URB1: variants seen among roughly 807,000 people sequenced by gnomAD.
The protein encoded by URB1 is URB1 ribosome biogenesis factor.
A neutral mutation model predicts 242.3 loss-of-function variants in URB1; 197 were observed. The ratio of observed to expected loss-of-function variants is 0.81; its 90% CI spans 0.72 to 0.91. URB1 has a LOEUF of 0.91. Ranked by LOEUF, URB1 falls within the 40% of genes least tolerant of loss-of-function variation. The pLI is 0.00. For missense variants in URB1, 2,721 were observed against 2,860.5 expected, an observed-to-expected ratio of 0.95 and a Z score of 1.11; for synonymous variants, 1,153 against 1,201.8, an observed-to-expected ratio of 0.96 and a Z score of 0.84.
At chr21:32,346,806 C>T (rs1304343701) in intron 22 of URB1, 150 bp downstream of exon 22, 11 of 1,182,430 alleles carry the variant, frequency 9.3e-6, no homozygotes, top group Non-Finnish European at 1.3e-5. Flanking sequence ...ATTACTCCAC[C>T]TTTCTCCATC....
At position 32,339,285 on chromosome 21, in the gene URB1, C is replaced by T. The variant is rs372115846; in HGVS notation, c.4317-385G>A. On this transcript the variant is annotated intron_variant, in intron 25 of 38. Transcript: ENST00000382751. Reference sequence around the variant, plus strand: ...CAGGGATTACAGGCATGAGCCACTGCGCCCGGCCATTTTCTCAGTATTTTA... The same window carrying T: ...CAGGGATTACAGGCATGAGCCACTGTGCCCGGCCATTTTCTCAGTATTTTA... Among the ~76,000 whole-genome samples the T allele has an allele frequency of 3.3e-5, 5 of 152,088 alleles. No homozygotes were observed. The East Asian group carries it at 7.8e-4, about 24-fold the overall frequency.
At chr21:32,385,759 G>A in intron 1 of URB1, 75 bp from the exon 2 acceptor site, 1 of 1,520,616 alleles carries the variant, frequency 6.6e-7, no homozygotes, top group Middle Eastern at 1.7e-4. Flanking sequence ...ACTGCAACCT[G>A]CTTTCCCTAT....
Position 32,324,561 on chromosome 21 carries a change from A to C in URB1, c.5163T>G (p.Thr1721=). The C allele has an allele frequency of 6.4e-7, 1 of 1,551,810 alleles. No homozygotes were observed. Among genetic ancestry groups the C allele is most frequent in the Non-Finnish European group, 8.7e-7 (1 of 1,147,020 alleles). ...AGGTAAAAGTAAGTCTCATGTCCTG[A>C]GTTCGAATCCCATTCCGGACTACAT... ...LLDVVRNGIR[T]QDMRLTFTLA... is the part of the protein sequence containing the mutation. The change falls in exon 32 of 39, where the codon ACT becomes ACG. Residue 1721 remains threonine, a synonymous_variant. Coordinates refer to ENST00000382751, the MANE Select transcript of URB1 (RefSeq NM_014825.3).
intron 37 of URB1, among the ~76,000 whole-genome samples, 153 bp from the exon 38 acceptor site, chr21:32,317,218 C>T (rs905446594): frequency 6.6e-6 from 1 of 152,148 alleles, no homozygotes; most frequent in Non-Finnish European, 1.5e-5. Context: ...GGTGAGTGCT[C>T]GATGTTTCAC....
rs1326533039 is a variant in URB1, at chr21:32,319,269, G to A, written c.5740C>T (p.His1914Tyr). The A allele has an allele frequency of 2.6e-6, 4 of 1,551,174 alleles. No homozygotes were observed. The East Asian group carries it at 7.3e-5, about 28-fold the overall frequency. The part of the protein sequence containing the change: ...SQEPAKRLAL[H>Y]LVNEFLYVLI... Reference sequence around the variant, plus strand: ...ACATAAAGGAACTCATTGACCAGGTGCAGGGCAAGCCGCTTGGCAGGCTCC... The same window carrying A: ...ACATAAAGGAACTCATTGACCAGGTACAGGGCAAGCCGCTTGGCAGGCTCC... Residue 1914 changes from histidine to tyrosine, a missense_variant, in exon 36 of 39, where the codon CAC (histidine) becomes TAC (tyrosine). Coordinates refer to ENST00000382751, the MANE Select transcript of URB1 (RefSeq NM_014825.3).
Position 32,317,072 on chromosome 21 carries a change from A to G in URB1, c.6035-7T>C. The G allele has an allele frequency of 5.3e-6, 8 of 1,522,068 alleles. No individual in the cohort carries two copies. Among genetic ancestry groups the G allele is most frequent in the Non-Finnish European group, 5.3e-6 (6 of 1,134,498 alleles). The allele number at this position is 1,522,068 out of a possible 1,614,324, so 94.3% of individuals were successfully genotyped here. Reference sequence around the variant, plus strand: ...TTCTTATCCTTGAGCATTTCTGTTAAATGCACAAAGAGAAGGTAATGAGAC... The same window carrying G: ...TTCTTATCCTTGAGCATTTCTGTTAGATGCACAAAGAGAAGGTAATGAGAC... On this transcript the variant is annotated splice_region_variant and splice_polypyrimidine_tract_variant and intron_variant, in intron 37 of 38. Coordinates refer to ENST00000382751, the MANE Select transcript of URB1 (RefSeq NM_014825.3).
rs1479056223 is a variant in URB1 at position 32,347,394 on chromosome 21, G to C, written c.3430C>G (p.Pro1144Ala). 8 of 1,551,506 alleles carry C rather than the reference G, an allele frequency of 5.2e-6. No homozygotes were observed. The Admixed American group carries it at 1.6e-4, about 30-fold the overall frequency. Reference sequence around the variant, plus strand: ...GCATTCAGGTGTCTTTCCTTCCCGGGGGATTTCGTGGGTTGCTGGGTCACC... The same window carrying C: ...GCATTCAGGTGTCTTTCCTTCCCGGCGGATTTCGTGGGTTGCTGGGTCACC... ...HLVTQQPTKS[P>A]GKERHLNALG... Residue 1144 changes from proline (P) to alanine (A), a missense_variant, in exon 22 of 39, where the codon CCC (proline) becomes GCC (alanine). Transcript: ENST00000382751.
At position 32,392,870 on chromosome 21, in the gene URB1, C is replaced by A. The variant is rs1016427663; in HGVS notation, c.41G>T (p.Gly14Val). 1.3e-6 allele frequency: 2 copies of A among 1,531,846 alleles called. No individual in the cohort carries two copies. The highest frequency in any genetic ancestry group is 1.2e-5 in the South Asian group (1 of 83,332). The allele number at this position is 1,531,846 out of a possible 1,614,324, so 94.9% of individuals were successfully genotyped here. The change falls in exon 1 of 39, where the codon GGC becomes GTC. Residue 14 changes from glycine (G) to valine (V), a missense_variant. Transcript: ENST00000382751. ...PKRKASGGQD[G>V]AASSAGAAKR... ...GGCTGCACCCGCGGAGGAAGCCGCG[C>A]CGTCCTGGCCGCCCGAGGCCTTCCT...
intron 1 of URB1, among the ~76,000 whole-genome samples, chr21:32,386,063 T>C (rs1279312393): frequency 6.6e-6 from 1 of 151,022 alleles, no homozygotes; most frequent in East Asian, 1.9e-4. Context: ...GAGGCAGAAT[T>C]GTGTGAACTC....
At chr21:32,338,334 T>C (rs1441423903) in intron 26 of URB1, among the ~76,000 whole-genome samples, 1 of 152,110 alleles carries the variant, frequency 6.6e-6, no homozygotes, top group Non-Finnish European at 1.5e-5. Context: ...AAAGTTTCAA[T>C]CTTCCCAAGC....
chr21:32,317,136 G>A, intron 37 of URB1, 71 bp from the exon 38 acceptor site: 5 of 1,446,674 alleles, frequency 3.5e-6, no homozygotes, highest in Non-Finnish European at 3.6e-6. Flanking sequence ...GATGTGGGGA[G>A]GTGTCAATGG....
Position 32,355,010 on chromosome 21 carries a change from G to A in URB1, c.2107-13C>T. ...ATGTCAATAAAATCTGGGCATTAAAGAGCCAAATAGAAAGCATTCAGATGG... is the reference window on the plus strand; with the variant it reads ...ATGTCAATAAAATCTGGGCATTAAAAAGCCAAATAGAAAGCATTCAGATGG... On this transcript the variant is annotated splice_polypyrimidine_tract_variant and intron_variant, in intron 16 of 38. Transcript: ENST00000382751. 1.3e-6 allele frequency: 2 copies of A among 1,542,550 alleles called. No individual in the cohort carries two copies. Among genetic ancestry groups the A allele is most frequent in the Non-Finnish European group, 1.8e-6 (2 of 1,140,286 alleles).
rs897874553 is a variant in URB1 at position 32,368,418 on chromosome 21, G to C, written c.1182C>G (p.Ile394Met). ...GTTTTTTTACCTTGTTTAGTAGTTT[G>C]ATATTATTTAACCAAGTAGACTTCG... ...PRAKSTWLNN[I>M]KLLNKIYEAQ... is the part of the protein sequence containing the mutation. Residue 394 changes from isoleucine to methionine, a missense_variant, in exon 9 of 39, where the codon ATC becomes ATG. Ile to Met is a conservative substitution (Grantham distance 10). Transcript: ENST00000382751. 6.5e-7 allele frequency: 1 copy of C among 1,545,010 alleles called. No individual in the cohort carries two copies. The highest frequency in any genetic ancestry group is 8.7e-7 in the Non-Finnish European group (1 of 1,144,612).
At chr21:32,323,465 C>T (rs998079439) in intron 32 of URB1, among the ~76,000 whole-genome samples, 1 of 152,192 alleles carries the variant, frequency 6.6e-6, no homozygotes, top group African/African-American at 2.4e-5. Flanking sequence ...CTTCTAGTCA[C>T]ACTATCTTAG....
chr21:32,347,256 T>C lies in URB1; in HGVS notation c.3568A>G (p.Thr1190Ala). ...YVRGLGALLPTLAVDELDTVL... is the reference protein window; with the variant it reads ...YVRGLGALLPALAVDELDTVL... ...GTGTCCAGCTCGTCCACTGCTAGCG[T>C]GGGCAGCAGAGCCCCCAGGCCTCTC... is the stretch of plus-strand genomic sequence containing the variant. The change falls in exon 22 of 39, where the codon ACG (threonine) becomes GCG (alanine). Residue 1190 changes from threonine to alanine, a missense_variant. Physicochemically the swap from Thr to Ala is moderately conservative, Grantham distance 58 (BLOSUM62 0). Transcript: ENST00000382751. 1 of 1,550,930 alleles carries C rather than the reference T, an allele frequency of 6.4e-7. No individual in the cohort carries two copies. The highest frequency in any genetic ancestry group is 8.7e-7 in the Non-Finnish European group (1 of 1,146,964).
In URB1 at chr21:32,316,837, T is replaced by C. The variant is rs943950604; in HGVS notation, c.6263A>G (p.Asp2088Gly). 7 of 1,547,962 alleles carry C rather than the reference T, an allele frequency of 4.5e-6. No individual in the cohort carries two copies. Among genetic ancestry groups the C allele is most frequent in the Admixed American group, 2.0e-5 (1 of 50,804 alleles). ...EPVDSASPES[D>G]APGPVYAAAS... ...GGCAGCATATACGGGGCCTGGCGCA[T>C]CGCTCTCGGGGCTGGCTGAGTCCAC... The change falls in exon 38 of 39, where the codon GAT becomes GGT. Residue 2088 changes from aspartate to glycine, a missense_variant. Coordinates refer to ENST00000382751, the MANE Select transcript of URB1 (RefSeq NM_014825.3).
chr21:32,325,518 T>C (rs2032819982), intron 30 of URB1, 129 bp from the exon 31 acceptor site: 2 of 1,201,388 alleles, frequency 1.7e-6, no homozygotes, highest in Non-Finnish European at 2.3e-6. Context: ...AATGCAAGTC[T>C]CTCTCCAACT....
chr21:32,313,783 A>C lies in URB1; in HGVS notation c.*1135T>G, dbSNP rs1391194157. ...CAGGCATGCAGGAGAGTTTTAAAGG[A>C]ACAGACGGAAATTTTAACTGTGAAA... On this transcript the variant is annotated 3_prime_UTR_variant, in exon 39 of 39. Coordinates refer to ENST00000382751, the MANE Select transcript of URB1 (RefSeq NM_014825.3). 1 of 152,276 alleles carries C rather than the reference A, an allele frequency of 6.6e-6. No individual in the cohort carries two copies. Among genetic ancestry groups the C allele is most frequent in the African/African-American group, 2.4e-5 (1 of 41,448 alleles). 9.4% of individuals were successfully genotyped at this position (152,276 alleles called of 1,614,324 possible). A position where few individuals can be genotyped will look rare whatever the true frequency, so the allele number is the denominator to read the frequency against.
chr21:32,383,456 G>A lies in URB1; in HGVS notation c.533C>T (p.Thr178Ile). ...VCSHFDLNKKTLYTLVTKRDS... is the reference protein window; with the variant it reads ...VCSHFDLNKKILYTLVTKRDS... Reference sequence around the variant, plus strand: ...CCTCTTGGTCACCAGGGTGTACAGGGTCTTTTTATTCAAATCAAAATGGCT... The same window carrying A: ...CCTCTTGGTCACCAGGGTGTACAGGATCTTTTTATTCAAATCAAAATGGCT... The change falls in exon 4 of 39, where the codon ACC (threonine) becomes ATC (isoleucine). Residue 178 changes from threonine to isoleucine, a missense_variant. Physicochemically the swap from Thr to Ile is moderately conservative, Grantham distance 89. Coordinates refer to ENST00000382751, the MANE Select transcript of URB1 (RefSeq NM_014825.3). 1.9e-6 allele frequency: 3 copies of A among 1,551,606 alleles called. No individual in the cohort carries two copies. Among genetic ancestry groups the A allele is most frequent in the Non-Finnish European group, 1.7e-6 (2 of 1,146,924 alleles).
Sources: allele counts gnomAD v4.1 joint callset (sites outside exome capture counted in the v4.1 genomes callset), GRCh38; gene constraint gnomAD v4.1.1; transcripts MANE v1.5; gene names NCBI Gene and HGNC (gene_info 2026-07-23, HGNC 2026-07-21).